Variants in PHRF1 observed in about 807,000 individuals in gnomAD.
The protein encoded by PHRF1 is PHD and ring finger domains 1, also known as PHD and RING finger domain-containing protein 1.
In PHRF1, 53 loss-of-function variants were observed where a neutral mutation model predicts 128.9. That is an observed-to-expected ratio of 0.41 (90% CI 0.33 to 0.52). PHRF1 has a LOEUF of 0.52. Ranked by LOEUF, PHRF1 falls within the 20% of genes least tolerant of loss-of-function variation. PHRF1 has a pLI of 0.21. For synonymous variants in PHRF1, 1,178 were observed against 980.6 expected, an observed-to-expected ratio of 1.20 and a Z score of -3.76; for missense variants, 2,503 against 2,284.5, an observed-to-expected ratio of 1.10 and a Z score of -1.95.
chr11:611,499 C>G (rs532474618), intron 17 of PHRF1, 135 bp from the exon 18 acceptor site: 1 of 1,285,036 alleles, frequency 7.8e-7, no homozygotes, highest in Non-Finnish European at 1.1e-6. Context: ...CGGCCTCTGC[C>G]GCCGTCTGTC....
intron 6 of PHRF1, among the ~76,000 whole-genome samples, chr11:594,786 C>T (rs1440600952): frequency 2.0e-5 from 3 of 152,280 alleles, no homozygotes; most frequent in Non-Finnish European, 4.4e-5. Context: ...TCTAACAAGG[C>T]TCTTGGGAAT....
rs752568631 is a variant in PHRF1, at chr11:607,771, C to G, written c.2315C>G (p.Ser772Trp). The part of the protein sequence containing the change: ...LGPSRGKGVG[S>W]TFESFRINIP... ...CCATCAAGAGGGAAAGGGGTCGGGT[C>G]GACCTTTGAGAGCTTCCGGATCAAT... Residue 772 changes from serine (S) to tryptophan (W), a missense_variant, in exon 14 of 18, where the codon TCG becomes TGG. By Grantham distance (177) the Ser-to-Trp change is radical. Coordinates refer to ENST00000264555, the MANE Select transcript of PHRF1 (RefSeq NM_001286581.2). 3.1e-6 allele frequency: 5 copies of G among 1,612,568 alleles called. No individual in the cohort carries two copies. Among genetic ancestry groups the G allele is most frequent in the Non-Finnish European group, 4.2e-6 (5 of 1,179,776 alleles).
At chr11:595,230 C>T (rs565847243) in intron 6 of PHRF1, among the ~76,000 whole-genome samples, 4 of 152,218 alleles carry the variant, frequency 2.6e-5, no homozygotes, top group African/African-American at 7.2e-5. Context: ...GGCTGAGGCA[C>T]GCGAATACCT....
At position 609,599 on chromosome 11, in the gene PHRF1, A is replaced by T; in HGVS notation, c.4143A>T (p.Ala1381=). Reference sequence around the variant, plus strand: ...CTGCGAGTGGGAGGGTACAGGAGGCAGCCCGGCCTGAGGAGGTGGTTTCGC... The same window carrying T: ...CTGCGAGTGGGAGGGTACAGGAGGCTGCCCGGCCTGAGGAGGTGGTTTCGC... ...SPSASGRVQE[A]ARPEEVVSQT... Residue 1381 remains alanine, a synonymous_variant, in exon 14 of 18, where the codon GCA becomes GCT. Transcript: ENST00000264555. 6.3e-7 allele frequency: 1 copy of T among 1,593,868 alleles called. No homozygotes were observed. The highest frequency in any genetic ancestry group is 1.1e-5 in the South Asian group (1 of 88,128).
chr11:609,819 T>G, intron 14 of PHRF1, 99 bp downstream of exon 14: 11 of 634,560 alleles, frequency 1.7e-5, no homozygotes, highest in Non-Finnish European at 2.3e-5. Context: ...GGCCCCGGCC[T>G]CCACCGAGGA....
chr11:610,911 C>T, intron 16 of PHRF1, 43 bp from the exon 17 acceptor site: 3 of 1,604,852 alleles, frequency 1.9e-6, no homozygotes, highest in Non-Finnish European at 2.6e-6. Context: ...CAGAGGGACT[C>T]CCGGCTCCCT....
chr11:580,040 G>A (rs1589854368), intron 1 of PHRF1, among the ~76,000 whole-genome samples: 1 of 152,206 alleles, frequency 6.6e-6, no homozygotes, highest in Non-Finnish European at 1.5e-5. Flanking sequence ...CCCTGAACTC[G>A]AGGGCAGCTC....
chr11:612,040 A>G lies in PHRF1; in HGVS notation c.*263A>G. 3.9e-6 allele frequency: 2 copies of G among 509,522 alleles called. No individual in the cohort carries two copies. The highest frequency in any genetic ancestry group is 7.4e-5 in the Admixed American group (2 of 27,126). 31.6% of individuals were successfully genotyped at this position (509,522 alleles called of 1,614,324 possible). A position where few individuals can be genotyped will look rare whatever the true frequency, so the allele number is the denominator to read the frequency against. On this transcript the variant is annotated 3_prime_UTR_variant, in exon 18 of 18. Coordinates refer to ENST00000264555, the MANE Select transcript of PHRF1 (RefSeq NM_001286581.2). ...ACACTGTTTCCATTCTAATTTATCA[A>G]AAATGGATTATCTTTAGAAACCTCT...
Position 611,718 on chromosome 11 carries a change from C to G in PHRF1, c.4891C>G (p.Arg1631Gly). The change falls in exon 18 of 18, where the codon CGC becomes GGC. Residue 1631 changes from arginine to glycine, a missense_variant. Coordinates refer to ENST00000264555, the MANE Select transcript of PHRF1 (RefSeq NM_001286581.2). ...GTACGTGGACAAGTACAGGCACATG[C>G]GCAGGCACAAGAAACCAGAGGCCGG... ...KAYVDKYRHM[R>G]RHKKPEAGEE... 6.2e-7 allele frequency: 1 copy of G among 1,612,922 alleles called. No homozygotes were observed. The highest frequency in any genetic ancestry group is 8.5e-7 in the Non-Finnish European group (1 of 1,179,800).
intron 9 of PHRF1, among the ~76,000 whole-genome samples, chr11:600,499 T>TAC (rs1855566601): frequency 2.1e-5 from 3 of 142,754 alleles, no homozygotes; most frequent in African/African-American, 7.8e-5. Context: ...CAAAAATATA[T>TAC]ATATATATAT....
chr11:595,594 C>A (rs1855230778), intron 6 of PHRF1, among the ~76,000 whole-genome samples: 1 of 152,134 alleles, frequency 6.6e-6, no homozygotes, highest in African/African-American at 2.4e-5. Flanking sequence ...TCCCCGTGCT[C>A]GTATTTAAAC....
chr11:577,567 C>T (rs1853953861), intron 1 of PHRF1, among the ~76,000 whole-genome samples: 1 of 152,264 alleles, frequency 6.6e-6, no homozygotes, highest in Admixed American at 6.5e-5. Context: ...CAAGCCTGGC[C>T]TTGGCCCTCA....
rs752668393 is a variant in PHRF1 at position 608,765 on chromosome 11, C to G, written c.3309C>G (p.His1103Gln). Reference protein sequence around the residue: ...SGSPGSSSYEHYESRKKKKRR... With the variant: ...SGSPGSSSYEQYESRKKKKRR... Reference sequence around the variant, plus strand: ...GCCCTGGCAGCTCTTCCTATGAGCACTATGAGAGTAGGAAGAAGAAGAAAA... The same window carrying G: ...GCCCTGGCAGCTCTTCCTATGAGCAGTATGAGAGTAGGAAGAAGAAGAAAA... Residue 1103 changes from histidine to glutamine, a missense_variant, in exon 14 of 18, where the codon CAC becomes CAG. Physicochemically the swap from His to Gln is conservative, Grantham distance 24. Transcript: ENST00000264555. The G allele has an allele frequency of 6.2e-7, 1 of 1,611,656 alleles. No homozygotes were observed. The highest frequency in any genetic ancestry group is 1.1e-5 in the South Asian group (1 of 90,992).
rs368811571 is a variant in PHRF1 at position 609,578 on chromosome 11, G to A, written c.4122G>A (p.Ala1374=). 1.1e-5 allele frequency: 18 copies of A among 1,597,134 alleles called. No individual in the cohort carries two copies. Among genetic ancestry groups the A allele is most frequent in the Admixed American group, 1.7e-5 (1 of 57,742 alleles). Residue 1374 remains alanine, a synonymous_variant, in exon 14 of 18, where the codon GCG becomes GCA. Transcript: ENST00000264555. ...APAGKEDSPS[A]SGRVQEAARP... is the part of the protein sequence containing the mutation. Reference sequence around the variant, plus strand: ...CGGGGAAGGAAGACAGCCCCTCTGCGAGTGGGAGGGTACAGGAGGCAGCCC... The same window carrying A: ...CGGGGAAGGAAGACAGCCCCTCTGCAAGTGGGAGGGTACAGGAGGCAGCCC...
At chr11:579,048 T>C (rs546796469) in intron 1 of PHRF1, among the ~76,000 whole-genome samples, 1,592 of 152,296 alleles carry the variant, frequency 0.01, 12 homozygotes, top group Middle Eastern at 0.017. Context: ...CTGTGTTGCC[T>C]AGGCTGGTCT....
intron 9 of PHRF1, 149 bp downstream of exon 9, chr11:598,651 C>A: frequency 7.8e-7 from 1 of 1,283,794 alleles, no homozygotes; most frequent in Non-Finnish European, 1.0e-6. Context: ...ACAGAAGCCG[C>A]GCCGGGCCCG....
At chr11:598,679 G>A (rs1416979699) in intron 9 of PHRF1, among the ~76,000 whole-genome samples, 177 bp downstream of exon 9, 1 of 152,260 alleles carries the variant, frequency 6.6e-6, no homozygotes, top group Non-Finnish European at 1.5e-5. Flanking sequence ...TGGGTCTGAT[G>A]TGCCGATCTG....
rs1431051176 is a variant in PHRF1 at position 582,055 on chromosome 11, A to G, written c.188A>G (p.Glu63Gly). ...GTDGEDEGAS[E>G]EEDLEDRSGS... ...GACGGAGAAGACGAGGGGGCGTCTG[A>G]GGAGGAAGACCTGGAAGACAGATCT... Residue 63 changes from glutamate to glycine, a missense_variant, in exon 3 of 18, where the codon GAG becomes GGG. Glu to Gly is a moderately conservative substitution (Grantham distance 98). Coordinates refer to ENST00000264555, the MANE Select transcript of PHRF1 (RefSeq NM_001286581.2). 2 of 1,602,492 alleles carry G rather than the reference A, an allele frequency of 1.2e-6. No individual in the cohort carries two copies. The highest frequency in any genetic ancestry group is 1.7e-6 in the Non-Finnish European group (2 of 1,174,738).
chr11:589,682 T>G (rs528109691), intron 4 of PHRF1, among the ~76,000 whole-genome samples: 2 of 152,328 alleles, frequency 1.3e-5, no homozygotes, highest in East Asian at 3.9e-4. Flanking sequence ...AGCTGAACCT[T>G]TGAAAAGAAA....
Sources: gnomAD v4.1 joint callset for allele counts (sites outside exome capture counted in the v4.1 genomes callset) on GRCh38, gnomAD v4.1.1 for gene constraint, MANE v1.5 for transcripts, NCBI Gene and HGNC (gene_info 2026-07-23, HGNC 2026-07-21) for gene names.